MFHAS1: variants seen among roughly 807,000 people sequenced by gnomAD.
The protein encoded by MFHAS1 is malignant fibrous histiocytoma-amplified sequence 1.
A neutral mutation model predicts 70.4 loss-of-function variants in MFHAS1; 50 were observed. The observed-to-expected ratio is 0.71, with a 90% CI of 0.57 to 0.90. MFHAS1 has a LOEUF of 0.90. Among genes scored for constraint, MFHAS1 ranks in the 40% least tolerant of loss-of-function variants. The pLI is 0.00. For synonymous variants in MFHAS1, 952 were observed against 620.0 expected (o/e 1.54, Z -7.96); for missense variants, 1,795 against 1,347.6 (o/e 1.33, Z -5.20).
intron 1 of MFHAS1, among the ~76,000 whole-genome samples, chr8:8,823,555 A>G (rs1371852490): frequency 6.6e-6 from 1 of 151,920 alleles, no homozygotes; most frequent in East Asian, 1.9e-4. Context: ...AATACTGTAA[A>G]AATATATTTT....
At chr8:8,786,618 T>G (rs1312483206) in intron 2 of MFHAS1, among the ~76,000 whole-genome samples, 1 of 151,844 alleles carries the variant, frequency 6.6e-6, no homozygotes, top group Admixed American at 6.6e-5. Context: ...TCAGTTCCGA[T>G]AAAATGGTTA....
intron 1 of MFHAS1, among the ~76,000 whole-genome samples, chr8:8,869,517 C>A (rs374946400): frequency 1.4e-4 from 21 of 151,976 alleles, no homozygotes; most frequent in African/African-American, 3.9e-4. Context: ...AAATAAAGAA[C>A]CTTATTCCTC....
chr8:8,864,778 C>G (rs1039632731), intron 1 of MFHAS1, among the ~76,000 whole-genome samples: 1 of 152,010 alleles, frequency 6.6e-6, no homozygotes, highest in Non-Finnish European at 1.5e-5. Flanking sequence ...CTCACACCTA[C>G]AGGCACTAGG....
At chr8:8,829,144 C>A (rs1480854598) in intron 1 of MFHAS1, among the ~76,000 whole-genome samples, 5 of 152,166 alleles carry the variant, frequency 3.3e-5, no homozygotes, top group African/African-American at 1.2e-4. Context: ...TCAGGGACCC[C>A]AATACGTCAC....
intron 1 of MFHAS1, among the ~76,000 whole-genome samples, chr8:8,815,422 G>C (rs778880250): frequency 3.9e-5 from 6 of 152,122 alleles, no homozygotes; most frequent in Non-Finnish European, 7.4e-5. Flanking sequence ...TCTGGTTCTA[G>C]GTCTTTGAGG....
At chr8:8,806,273 C>T (rs1806286633) in intron 1 of MFHAS1, among the ~76,000 whole-genome samples, 1 of 152,156 alleles carries the variant, frequency 6.6e-6, no homozygotes, top group South Asian at 2.1e-4. Context: ...CATTACAACA[C>T]TGGGATGAGA....
chr8:8,840,921 T>C (rs1252051116), intron 1 of MFHAS1, among the ~76,000 whole-genome samples: 2 of 152,204 alleles, frequency 1.3e-5, no homozygotes, highest in East Asian at 3.8e-4. Context: ...GATACACTTC[T>C]TACACAAGAG....
intron 1 of MFHAS1, among the ~76,000 whole-genome samples, chr8:8,859,169 A>G (rs982541056): frequency 2.6e-5 from 4 of 152,204 alleles, no homozygotes; most frequent in African/African-American, 9.6e-5. Flanking sequence ...CCTGGCCAAC[A>G]TGGCGAAACC....
intron 1 of MFHAS1, among the ~76,000 whole-genome samples, chr8:8,889,817 T>C (rs1809917378): frequency 6.6e-6 from 1 of 152,200 alleles, no homozygotes; most frequent in Non-Finnish European, 1.5e-5. Context: ...TGGCAAATGT[T>C]GTGACTGGAA....
rs756225996 is a variant in MFHAS1, at chr8:8,890,862, G to C, written c.2197C>G (p.Leu733Val). Residue 733 changes from leucine (L) to valine (V), a missense_variant, in exon 1 of 3, where the codon CTC (leucine) becomes GTC (valine). Coordinates refer to ENST00000276282, the MANE Select transcript of MFHAS1 (RefSeq NM_004225.3). ...AAGAAGACATTGAGGATGTCGATGA[G>C]GCGGGTGAGGTTGTGGAAGACGTGC... ...KEHVFHNLTR[L>V]IDILNVFFQR... 1 of 1,614,166 alleles carries C rather than the reference G, an allele frequency of 6.2e-7. No homozygotes were observed. Among genetic ancestry groups the C allele is most frequent in the South Asian group, 1.1e-5 (1 of 91,078 alleles).
chr8:8,800,403 G>T (rs1164791842), intron 1 of MFHAS1, among the ~76,000 whole-genome samples: 1 of 152,204 alleles, frequency 6.6e-6, no homozygotes, highest in African/African-American at 2.4e-5. Flanking sequence ...GTAATAAAAT[G>T]AACCCAAGTA....
intron 2 of MFHAS1, among the ~76,000 whole-genome samples, chr8:8,790,822 T>C (rs1805695761): frequency 6.6e-6 from 1 of 152,234 alleles, no homozygotes; most frequent in Non-Finnish European, 1.5e-5. Flanking sequence ...GACTTCATCC[T>C]GCTTTTTATG....
At chr8:8,860,873 A>G (rs1808634135) in intron 1 of MFHAS1, among the ~76,000 whole-genome samples, 1 of 152,152 alleles carries the variant, frequency 6.6e-6, no homozygotes. Context: ...CTGGGCTCAT[A>G]CGCATACATA....
rs1460175401 is a variant in MFHAS1, at chr8:8,893,102, G to A, written c.-44C>T. The A allele has an allele frequency of 5.2e-6, 7 of 1,341,820 alleles. No homozygotes were observed. The highest frequency in any genetic ancestry group is 5.8e-6 in the Non-Finnish European group (6 of 1,033,392). The allele number at this position is 1,341,820 out of a possible 1,614,324, so 83.1% of individuals were successfully genotyped here. A position where few individuals can be genotyped will look rare whatever the true frequency, so the allele number is the denominator to read the frequency against. On this transcript the variant is annotated 5_prime_UTR_variant, in exon 1 of 3. Coordinates refer to ENST00000276282, the MANE Select transcript of MFHAS1 (RefSeq NM_004225.3). ...CAGCCTCACGCGGACGCGGGAGCCCGCAGCTACATGCCGCGCCGCGCCCCG... is the reference window on the plus strand; with the variant it reads ...CAGCCTCACGCGGACGCGGGAGCCCACAGCTACATGCCGCGCCGCGCCCCG...
In MFHAS1 at chr8:8,784,171, T is replaced by A. The variant is rs1336992146; in HGVS notation, c.*1851A>T. On this transcript the variant is annotated 3_prime_UTR_variant, in exon 3 of 3. Coordinates refer to ENST00000276282, the MANE Select transcript of MFHAS1 (RefSeq NM_004225.3). ...GCCTTTTTCTAAAGACAGGTCAAAG[T>A]TGGTTAATTTAACAGTTGAGGAACC... 41 of 152,090 alleles carry A rather than the reference T, an allele frequency of 2.7e-4. No individual in the cohort carries two copies. Among genetic ancestry groups the A allele is most frequent in the Admixed American group, 2.7e-3 (41 of 15,270 alleles). The allele number at this position is 152,090 out of a possible 1,614,324, so 9.4% of individuals were successfully genotyped here.
intron 1 of MFHAS1, among the ~76,000 whole-genome samples, chr8:8,866,690 C>G (rs572213842): frequency 6.6e-6 from 1 of 152,148 alleles, no homozygotes; most frequent in Admixed American, 6.6e-5. Context: ...TTCTCTCTCC[C>G]CAGTCTCTTA....
chr8:8,880,289 T>G (rs1449935335), intron 1 of MFHAS1, among the ~76,000 whole-genome samples: 1 of 152,210 alleles, frequency 6.6e-6, no homozygotes, highest in African/African-American at 2.4e-5. Context: ...ATGACACCAA[T>G]GTATCTGCCC....
intron 1 of MFHAS1, among the ~76,000 whole-genome samples, chr8:8,873,989 T>C (rs566868857): frequency 6.6e-6 from 1 of 152,316 alleles, no homozygotes; most frequent in East Asian, 1.9e-4. Flanking sequence ...CTGAAAACAA[T>C]GGTGTTCCAA....
intron 1 of MFHAS1, among the ~76,000 whole-genome samples, chr8:8,809,824 G>T (rs1806481585): frequency 1.3e-5 from 2 of 152,144 alleles, no homozygotes; most frequent in Admixed American, 6.5e-5. Flanking sequence ...GCTTTCAAAA[G>T]GTTACTCTTT....
Sources: gnomAD v4.1 joint callset for allele counts (sites outside exome capture counted in the v4.1 genomes callset) on GRCh38, gnomAD v4.1.1 for gene constraint, MANE v1.5 for transcripts, NCBI Gene and HGNC (gene_info 2026-07-23, HGNC 2026-07-21) for gene names.